PLEKHD1: variants seen among roughly 807,000 people sequenced by gnomAD.
PLEKHD1 encodes the protein pleckstrin homology domain-containing family D member 1.
Under a neutral mutation model 69.2 loss-of-function variants are expected in PLEKHD1, and 51 were observed. That is an observed-to-expected ratio of 0.74 (90% confidence interval 0.59 to 0.93). PLEKHD1 has a LOEUF of 0.93. PLEKHD1 is among the 40% of genes least tolerant of loss of function. PLEKHD1 has a pLI of 0.00. For missense variants in PLEKHD1, 584 were observed against 641.0 expected, an observed-to-expected ratio of 0.91 and a Z score of 0.96; for synonymous variants, 236 against 244.7, an observed-to-expected ratio of 0.96 and a Z score of 0.33.
intron 1 of PLEKHD1, among the ~76,000 whole-genome samples, chr14:69,489,279 CTAAGGCCGGGTGTGGTGGCTGG>C (rs1245174374): frequency 1.3e-5 from 2 of 152,122 alleles, no homozygotes; most frequent in Non-Finnish European, 2.9e-5. Flanking sequence ...GAAAGTGAAT[CTAAGGCCGGGTGTGGTGGCTGG>C]TAATTCCAGC....
chr14:69,500,466 G>T, intron 2 of PLEKHD1, 111 bp from the exon 3 acceptor site: 1 of 859,352 alleles, frequency 1.2e-6, no homozygotes, highest in Non-Finnish European at 1.8e-6. Context: ...CCAGGGTCTA[G>T]CTTCCATCCT....
intron 7 of PLEKHD1, among the ~76,000 whole-genome samples, chr14:69,522,901 T>C (rs1883552061): frequency 6.6e-6 from 1 of 152,074 alleles, no homozygotes; most frequent in Non-Finnish European, 1.5e-5. Context: ...TATATATCTA[T>C]ATACATGTAT....
At chr14:69,479,939 A>G (rs935503807), upstream of PLEKHD1, among the ~76,000 whole-genome samples, 3 of 152,200 alleles carry the variant, frequency 2.0e-5, no homozygotes, top group Admixed American at 2.0e-4. Flanking sequence ...GCAAATTGAA[A>G]CAGGAAATGG....
At chr14:69,502,360 ATGCAC>A (rs1420932952) in intron 5 of PLEKHD1, 5 of 207,676 alleles carry the variant, frequency 2.4e-5, no homozygotes, top group African/African-American at 1.2e-4. Context: ...GTTGGTAAAC[ATGCAC>A]TGTTTGGGAG....
chr14:69,500,193 C>T lies in PLEKHD1; in HGVS notation c.228C>T (p.Phe76=), dbSNP rs757896083. The change falls in exon 2 of 13, where the codon TTC becomes TTT. Residue 76 remains phenylalanine (F), a synonymous_variant. Coordinates refer to ENST00000322564, the MANE Select transcript of PLEKHD1 (RefSeq NM_001161498.2). Reference sequence around the variant, plus strand: ...AGAGCTTTGAAACCAATAAATACTTCAATATACATCCTAAGGTGAGGCGGC... The same window carrying T: ...AGAGCTTTGAAACCAATAAATACTTTAATATACATCCTAAGGTGAGGCGGC... ...EKKSFETNKY[F]NIHPKGVIPL... 1.9e-6 allele frequency: 3 copies of T among 1,547,838 alleles called. No homozygotes were observed. The highest frequency in any genetic ancestry group is 2.6e-6 in the Non-Finnish European group (3 of 1,143,560).
At chr14:69,473,195 C>G in the PLEKHD1 span, among the ~76,000 whole-genome samples, 142 of 152,308 alleles carry the variant, frequency 9.3e-4, no homozygotes, top group African/African-American at 3.3e-3. Flanking sequence ...CCATCTCCCC[C>G]CAAACTCCAG....
Position 69,485,119 on chromosome 14 carries a change from G to T in PLEKHD1, c.149+5G>T. On this transcript the variant is annotated splice_donor_5th_base_variant and intron_variant, in intron 1 of 12. Coordinates refer to ENST00000322564, the MANE Select transcript of PLEKHD1 (RefSeq NM_001161498.2). ...GTCGGCCAAGTGGTCCCGGCGGTGAGTGCGCCCCCGCGCCCCAAGGAGACC... is the reference window on the plus strand; with the variant it reads ...GTCGGCCAAGTGGTCCCGGCGGTGATTGCGCCCCCGCGCCCCAAGGAGACC... 6.5e-7 allele frequency: 1 copy of T among 1,548,470 alleles called. No individual in the cohort carries two copies. The highest frequency in any genetic ancestry group is 8.7e-7 in the Non-Finnish European group (1 of 1,145,662).
At chr14:69,481,885 G>A (rs560637404), upstream of PLEKHD1, among the ~76,000 whole-genome samples, 4 of 152,264 alleles carry the variant, frequency 2.6e-5, no homozygotes, top group African/African-American at 9.6e-5. Context: ...TTGGTCTAGC[G>A]CACAGGATTG....
chr14:69,500,112 T>C lies in PLEKHD1; in HGVS notation c.150-3T>C. On this transcript the variant is annotated splice_polypyrimidine_tract_variant and splice_region_variant and intron_variant, in intron 1 of 12. Transcript: ENST00000322564. ...GCTTTTCCTTCCCCACCGCCCACTATAGGTTTTTCATCATCAAAGAGAGCT... is the reference window on the plus strand; with the variant it reads ...GCTTTTCCTTCCCCACCGCCCACTACAGGTTTTTCATCATCAAAGAGAGCT... 1.3e-6 allele frequency: 2 copies of C among 1,544,778 alleles called. No individual in the cohort carries two copies. Among genetic ancestry groups the C allele is most frequent in the Non-Finnish European group, 1.8e-6 (2 of 1,140,882 alleles).
At position 69,484,743 on chromosome 14, in the gene PLEKHD1, C is replaced by T. The variant is rs1214017338; in HGVS notation, c.-223C>T. ...CCCTCCCCGCGGAGTTCCCGCCCGG[C>T]CCTCTGCAATCCGGAGCCCAAGCCG... On this transcript the variant is annotated 5_prime_UTR_variant, in exon 1 of 13. Transcript: ENST00000322564. 1.4e-5 allele frequency: 7 copies of T among 515,302 alleles called. No individual in the cohort carries two copies. The highest frequency in any genetic ancestry group is 2.4e-5 in the Non-Finnish European group (7 of 294,310). The allele number at this position is 515,302 out of a possible 1,614,324, so 31.9% of individuals were successfully genotyped here.
At chr14:69,478,946 C>T in the PLEKHD1 span, among the ~76,000 whole-genome samples, 3 of 152,154 alleles carry the variant, frequency 2.0e-5, no homozygotes, top group African/African-American at 7.2e-5. Context: ...CGGACAGGGC[C>T]AGGGACTAGA....
chr14:69,528,599 C>T lies in PLEKHD1; in HGVS notation c.*180C>T. The T allele has an allele frequency of 1.2e-6, 1 of 826,036 alleles. No individual in the cohort carries two copies. Among genetic ancestry groups the T allele is most frequent in the East Asian group, 2.7e-5 (1 of 37,222 alleles). 51.2% of individuals were successfully genotyped at this position (826,036 alleles called of 1,614,324 possible). On this transcript the variant is annotated 3_prime_UTR_variant, in exon 13 of 13. Transcript: ENST00000322564. ...CCTCAAAGGACATGGACGCTGCCTT[C>T]CTCATCCTCACCCCACACCCCACCT...
intron 1 of PLEKHD1, among the ~76,000 whole-genome samples, chr14:69,488,042 C>T (rs533438866): frequency 1.3e-5 from 2 of 152,316 alleles, no homozygotes; most frequent in African/African-American, 2.4e-5. Flanking sequence ...CTCACCCCTT[C>T]TCCTCCCCAG....
intron 6 of PLEKHD1, among the ~76,000 whole-genome samples, chr14:69,506,891 C>CT (rs1162412450): frequency 0.039 from 3,028 of 78,032 alleles, 333 homozygotes; most frequent in African/African-American, 0.075. Flanking sequence ...CTGGCAACTG[C>CT]TTTTTTTTTT....
Position 69,484,849 on chromosome 14 carries a change from T to C in PLEKHD1, c.-117T>C. On this transcript the variant is annotated 5_prime_UTR_variant, in exon 1 of 13. Coordinates refer to ENST00000322564, the MANE Select transcript of PLEKHD1 (RefSeq NM_001161498.2). ...ATGCTGCAGCTCCGGGCCGGGCCGC[T>C]CTGCTTCTCTGCTCGCTGGGACGCT... The C allele has an allele frequency of 1.6e-6, 2 of 1,266,364 alleles. No individual in the cohort carries two copies. The highest frequency in any genetic ancestry group is 2.5e-5 in the Admixed American group (1 of 40,586). 78.4% of individuals were successfully genotyped at this position (1,266,364 alleles called of 1,614,324 possible).
chr14:69,521,742 T>A (rs1454055918), intron 6 of PLEKHD1, among the ~76,000 whole-genome samples: 2 of 152,154 alleles, frequency 1.3e-5, no homozygotes, highest in African/African-American at 4.8e-5. Context: ...CTCCTCCACT[T>A]TGGGGCCGGA....
chr14:69,494,026 C>T (rs891680692), intron 1 of PLEKHD1, among the ~76,000 whole-genome samples: 2 of 152,156 alleles, frequency 1.3e-5, no homozygotes, highest in East Asian at 1.9e-4. Context: ...GAGCTCCCTC[C>T]AGTAGCAGCC....
At position 69,485,003 on chromosome 14, in the gene PLEKHD1, C is replaced by A. The variant is rs1483308070; in HGVS notation, c.38C>A (p.Pro13Gln). 5.8e-6 allele frequency: 9 copies of A among 1,551,336 alleles called. No homozygotes were observed. Among genetic ancestry groups the A allele is most frequent in the African/African-American group, 2.7e-5 (2 of 73,184 alleles). Residue 13 changes from proline (P) to glutamine (Q), a missense_variant, in exon 1 of 13, where the codon CCG (proline) becomes CAG (glutamine). Physicochemically the swap from Pro to Gln is moderately conservative, Grantham distance 76. Transcript: ENST00000322564. ...TSKSNSVSPS[P>Q]SLEQADSDAL... Reference sequence around the variant, plus strand: ...AAGTCCAACTCGGTGTCGCCCTCGCCGTCCCTGGAGCAGGCTGACTCGGAC... The same window carrying A: ...AAGTCCAACTCGGTGTCGCCCTCGCAGTCCCTGGAGCAGGCTGACTCGGAC...
the PLEKHD1 span, among the ~76,000 whole-genome samples, chr14:69,469,873 C>T: frequency 6.6e-6 from 1 of 152,032 alleles, no homozygotes; most frequent in African/African-American, 2.4e-5. Flanking sequence ...AGGCACCCAC[C>T]TCCATGCCTG....
Sources: allele counts gnomAD v4.1 joint callset (sites outside exome capture counted in the v4.1 genomes callset), GRCh38; gene constraint gnomAD v4.1.1; transcripts MANE v1.5; gene names NCBI Gene and HGNC (gene_info 2026-07-23, HGNC 2026-07-21).